The following BCAS3 variants were observed in gnomAD, a reference collection of about 807,000 sequenced individuals.
BCAS3 encodes the protein BCAS4/BCAS3 fusion.
In BCAS3, 53 loss-of-function variants were observed where a neutral mutation model predicts 116.1. The ratio of observed to expected loss-of-function variants is 0.46; its 90% CI spans 0.37 to 0.57. BCAS3 has a LOEUF of 0.57. Ranked by LOEUF, BCAS3 falls within the 20% of genes least tolerant of loss-of-function variation. The pLI, the probability that BCAS3 is intolerant of heterozygous loss-of-function variation, is 0.00. For missense variants in BCAS3, 917 were observed against 1,165.4 expected, an observed-to-expected ratio of 0.79 and a Z score of 3.10; for synonymous variants, 391 against 408.2, an observed-to-expected ratio of 0.96 and a Z score of 0.51.
chr17:60,783,754 C>A (rs1172455226), intron 6 of BCAS3, among the ~76,000 whole-genome samples: 3 of 152,046 alleles, frequency 2.0e-5, no homozygotes, highest in Non-Finnish European at 4.4e-5. Context: ...TTTTCCTGGG[C>A]ATATTTGTTC....
At chr17:60,738,176 T>C (rs377427627) in intron 5 of BCAS3, among the ~76,000 whole-genome samples, 4 of 152,370 alleles carry the variant, frequency 2.6e-5, no homozygotes, top group Middle Eastern at 3.4e-3. Flanking sequence ...ATGTTTATTG[T>C]GCTACTGTTG....
rs1474983310 is a variant in BCAS3, at chr17:61,214,708, GAAA to G, written c.2425+130149_2425+130151del. ...TCCATCTCAAAAAAAAAGAAAAAAA[GAAA>G]AAAATTCAAAAACATTTTTTAATGA... On this transcript the variant is annotated intron_variant, in intron 22 of 23. Coordinates refer to ENST00000407086, the MANE Select transcript of BCAS3 (RefSeq NM_017679.5). The surrounding 1 kb of genome is among the most constrained non-coding windows in gnomAD (Gnocchi z 4.4). 6.6e-6 allele frequency among the ~76,000 whole-genome samples: 1 copy of G among 151,972 alleles called. No individual in the cohort carries two copies. Among genetic ancestry groups the G allele is most frequent in the African/African-American group, 2.4e-5 (1 of 41,400 alleles).
chr17:60,910,731 T>C, intron 12 of BCAS3, 29 bp downstream of exon 12: 3 of 1,553,406 alleles, frequency 1.9e-6, no homozygotes, highest in Non-Finnish European at 8.7e-7. Context: ...GCGTACCATG[T>C]GTGTTACTTG....
intron 5 of BCAS3, among the ~76,000 whole-genome samples, chr17:60,722,435 G>A (rs759584345): frequency 7.2e-5 from 11 of 152,072 alleles, no homozygotes; most frequent in African/African-American, 1.4e-4. Flanking sequence ...ATTCTGTTGC[G>A]GATGTGTTGA....
At chr17:61,353,311 T>C (rs1215474776) in intron 22 of BCAS3, among the ~76,000 whole-genome samples, 2 of 152,152 alleles carry the variant, frequency 1.3e-5, no homozygotes, top group Non-Finnish European at 2.9e-5. Flanking sequence ...TGGGCAGTGA[T>C]TCTGCAGCTT....
chr17:60,878,013 C>CTT (rs11345486), intron 9 of BCAS3, among the ~76,000 whole-genome samples: 7 of 132,554 alleles, frequency 5.3e-5, no homozygotes, highest in Non-Finnish European at 9.5e-5. Flanking sequence ...CTTTTTTTTT[C>CTT]TTTTTTTTTT....
intron 6 of BCAS3, among the ~76,000 whole-genome samples, chr17:60,777,577 G>A (rs868464621): frequency 1.3e-5 from 2 of 152,076 alleles, no homozygotes; most frequent in Non-Finnish European, 2.9e-5. Flanking sequence ...AGTGAGCTGA[G>A]ATCATGCCAG....
chr17:60,955,289 CA>C (rs1181030445), intron 14 of BCAS3, among the ~76,000 whole-genome samples: 2 of 151,546 alleles, frequency 1.3e-5, no homozygotes, highest in Non-Finnish European at 2.9e-5. Flanking sequence ...ATAAAAAAGT[CA>C]AATCAATAAA....
chr17:61,321,740 G>A (rs562812238), intron 22 of BCAS3, among the ~76,000 whole-genome samples: 6 of 152,214 alleles, frequency 3.9e-5, no homozygotes, highest in South Asian at 2.1e-4. Flanking sequence ...TGAGAACAAC[G>A]CTGACCTAGT....
At chr17:60,882,868 G>A (rs1341917455) in intron 9 of BCAS3, among the ~76,000 whole-genome samples, 1 of 135,358 alleles carries the variant, frequency 7.4e-6, no homozygotes, top group African/African-American at 3.0e-5. Context: ...TTTGAAGTCA[G>A]GTAGTGTGAT....
intron 5 of BCAS3, among the ~76,000 whole-genome samples, chr17:60,732,513 A>G (rs2040559261): frequency 6.6e-6 from 1 of 152,114 alleles, no homozygotes; most frequent in Non-Finnish European, 1.5e-5. Context: ...CTTTTCTCCA[A>G]GGCTATAAAT....
At chr17:61,057,040 A>G (rs1380222473) in intron 19 of BCAS3, among the ~76,000 whole-genome samples, 1 of 152,220 alleles carries the variant, frequency 6.6e-6, no homozygotes, top group African/African-American at 2.4e-5. Context: ...GCTCTCGACC[A>G]TAGGAAATGT....
In BCAS3 at chr17:61,034,138, T is replaced by G. The variant is rs2066848560; in HGVS notation, c.1638-528T>G. ...CACTGTCTAACTCTCCATAGCATTG[T>G]GGCCGAGAGAGCATTTTCAAGGCTT... On this transcript the variant is annotated intron_variant, in intron 16 of 23. Transcript: ENST00000407086. This position sits in a 1 kb window ranked among gnomAD's most constrained non-coding sequence, Gnocchi z 5.0. Among the ~76,000 whole-genome samples, 3 of 152,230 alleles carry G rather than the reference T, an allele frequency of 2.0e-5. No homozygotes were observed. The highest frequency in any genetic ancestry group is 2.0e-4 in the Admixed American group (3 of 15,286).
chr17:61,287,555 G>A (rs1217139380), intron 22 of BCAS3, among the ~76,000 whole-genome samples: 6 of 151,648 alleles, frequency 4.0e-5, no homozygotes, highest in East Asian at 2.0e-4. Flanking sequence ...GTGAGACCTC[G>A]TCTCTATGAA....
In BCAS3 at chr17:60,677,891, T is replaced by G. The variant is rs1393232311; in HGVS notation, c.-29T>G. ...AAACAGTGAGCCTAGAGCTGGAGAC[T>G]AGCGTTAACCGGCGGGGCGGCCGGT... is the stretch of plus-strand genomic sequence containing the variant. On this transcript the variant is annotated 5_prime_UTR_variant, in exon 1 of 24. Coordinates refer to ENST00000407086, the MANE Select transcript of BCAS3 (RefSeq NM_017679.5). The G allele has an allele frequency of 1.3e-5, 2 of 153,546 alleles. No homozygotes were observed. Among genetic ancestry groups the G allele is most frequent in the African/African-American group, 4.8e-5 (2 of 41,482 alleles). 9.5% of individuals were successfully genotyped at this position (153,546 alleles called of 1,614,324 possible).
chr17:61,320,463 C>T (rs1006107943), intron 22 of BCAS3, among the ~76,000 whole-genome samples: 9 of 151,984 alleles, frequency 5.9e-5, no homozygotes, highest in Non-Finnish European at 8.8e-5. Flanking sequence ...GGACAGATTA[C>T]GAGGTCAGGA....
intron 15 of BCAS3, among the ~76,000 whole-genome samples, chr17:61,003,031 G>A (rs894680432): frequency 2.6e-5 from 4 of 151,574 alleles, no homozygotes; most frequent in African/African-American, 7.3e-5. Context: ...CCCCACTCTC[G>A]GGTGTCATTC....
At chr17:60,715,344 C>A (rs985071229) in intron 5 of BCAS3, among the ~76,000 whole-genome samples, 1 of 151,670 alleles carries the variant, frequency 6.6e-6, no homozygotes, top group African/African-American at 2.4e-5. Context: ...ACCATGTTGG[C>A]CAGGCTGGTT....
At chr17:60,918,511 A>G (rs1408583443) in intron 12 of BCAS3, among the ~76,000 whole-genome samples, 1 of 152,176 alleles carries the variant, frequency 6.6e-6, no homozygotes, top group Non-Finnish European at 1.5e-5. Context: ...TTGTCACTCT[A>G]CTATGGAATG....
Sources: gnomAD v4.1 joint callset for allele counts (sites outside exome capture counted in the v4.1 genomes callset) on GRCh38, gnomAD v4.1.1 for gene constraint, Gnocchi (gnomAD v3.1) non-coding constraint, MANE v1.5 for transcripts, NCBI Gene and HGNC (gene_info 2026-07-23, HGNC 2026-07-21) for gene names.